ADAMTS6: variants seen among roughly 807,000 people sequenced by gnomAD.
The protein encoded by ADAMTS6 is A disintegrin and metalloproteinase with thrombospondin motifs 6.
In ADAMTS6, 23 loss-of-function variants were observed where a neutral mutation model predicts 144.3. That is an observed-to-expected ratio of 0.16 (90% CI 0.11 to 0.23). The LOEUF (loss-of-function observed/expected upper bound fraction) is 0.23, where lower values mean the gene tolerates loss of function less well. Ranked by LOEUF, ADAMTS6 falls within the 10% of genes least tolerant of loss-of-function variation. ADAMTS6 has a pLI of 1.00. For synonymous variants in ADAMTS6, 444 were observed against 457.5 expected, an observed-to-expected ratio of 0.97 and a Z score of 0.38; for missense variants, 999 against 1,379.6, an observed-to-expected ratio of 0.72 and a Z score of 4.37.
At chr5:65,376,142 G>C (rs1397036747) in intron 7 of ADAMTS6, among the ~76,000 whole-genome samples, 45 of 152,074 alleles carry the variant, frequency 3.0e-4, no homozygotes, top group Admixed American at 2.9e-3. Context: ...GGATAGCATT[G>C]GGAGATGTAC....
At chr5:65,246,709 T>C (rs1247447969) in intron 14 of ADAMTS6, among the ~76,000 whole-genome samples, 2 of 152,166 alleles carry the variant, frequency 1.3e-5, no homozygotes, top group Middle Eastern at 3.4e-3. Context: ...CACAGAATAG[T>C]ATAGAGAATG....
intron 15 of ADAMTS6, among the ~76,000 whole-genome samples, chr5:65,239,146 T>G (rs1466429396): frequency 1.3e-5 from 2 of 151,852 alleles, no homozygotes; most frequent in East Asian, 1.9e-4. Flanking sequence ...AGAGATAGCA[T>G]TAGGAGATAT....
chr5:65,215,972 A>G (rs932975303), intron 18 of ADAMTS6, among the ~76,000 whole-genome samples: 2 of 152,186 alleles, frequency 1.3e-5, no homozygotes, highest in Non-Finnish European at 2.9e-5. Flanking sequence ...TTAAATTAGT[A>G]AAGGAAAGAA....
At chr5:65,247,273 C>T (rs1205545056) in intron 14 of ADAMTS6, among the ~76,000 whole-genome samples, 2 of 152,258 alleles carry the variant, frequency 1.3e-5, no homozygotes, top group East Asian at 3.9e-4. Context: ...TATAAGTTAA[C>T]AATAGTCTTC....
At chr5:65,269,790 C>CCTTTTTTTTTTTT (rs1561355788) in intron 12 of ADAMTS6, among the ~76,000 whole-genome samples, 1 of 133,214 alleles carries the variant, frequency 7.5e-6, no homozygotes, top group Non-Finnish European at 1.6e-5. Flanking sequence ...AGTGTAAGTA[C>CCTTTTTTTTTTTT]TTTTTTTTTT....
chr5:65,295,329 T>C (rs567687680), intron 10 of ADAMTS6, among the ~76,000 whole-genome samples: 2 of 152,250 alleles, frequency 1.3e-5, no homozygotes, highest in African/African-American at 2.4e-5. Context: ...AGTTGTCTTA[T>C]AGCTAATTGA....
chr5:65,330,005 G>A (rs546601221), intron 8 of ADAMTS6, among the ~76,000 whole-genome samples: 43 of 152,074 alleles, frequency 2.8e-4, no homozygotes, highest in Non-Finnish European at 5.6e-4. Flanking sequence ...AACTGTTAAA[G>A]ATGGGAGGTT....
chr5:65,379,656 C>T (rs537642243), intron 7 of ADAMTS6, among the ~76,000 whole-genome samples: 2 of 152,086 alleles, frequency 1.3e-5, no homozygotes, highest in African/African-American at 4.8e-5. Context: ...AAACAGTGAC[C>T]CCGCTTTCTC....
At chr5:65,342,695 T>A (rs962889094) in intron 7 of ADAMTS6, among the ~76,000 whole-genome samples, 1 of 152,160 alleles carries the variant, frequency 6.6e-6, no homozygotes, top group African/African-American at 2.4e-5. Context: ...CTAGAAGTCC[T>A]AGCCAGAACA....
In ADAMTS6 at chr5:65,473,728, T is replaced by C. The variant is rs1005982672; in HGVS notation, c.-55A>G. 5.5e-6 allele frequency: 7 copies of C among 1,273,990 alleles called. No homozygotes were observed. The African/African-American group carries it at 8.9e-5, about 16-fold the overall frequency. The allele number at this position is 1,273,990 out of a possible 1,614,324, so 78.9% of individuals were successfully genotyped here. On this transcript the variant is annotated 5_prime_UTR_variant, in exon 2 of 25. Coordinates refer to ENST00000381055, the MANE Select transcript of ADAMTS6 (RefSeq NM_197941.4). Reference sequence around the variant, plus strand: ...GGCTACCTATGTGCTAAAGAGTCAATACCATACCAAAATCGAAGCATAACA... The same window carrying C: ...GGCTACCTATGTGCTAAAGAGTCAACACCATACCAAAATCGAAGCATAACA...
intron 7 of ADAMTS6, among the ~76,000 whole-genome samples, chr5:65,390,167 G>T (rs1752797759): frequency 6.6e-6 from 1 of 152,010 alleles, no homozygotes; most frequent in Admixed American, 6.6e-5. Flanking sequence ...TATTAATAAG[G>T]TCATAAAAAT....
At chr5:65,191,438 A>G (rs989151763) in intron 21 of ADAMTS6, among the ~76,000 whole-genome samples, 10 of 152,146 alleles carry the variant, frequency 6.6e-5, no homozygotes, top group African/African-American at 2.4e-4. Context: ...GGCAGAGCAT[A>G]TGAAAATAAA....
intron 9 of ADAMTS6, among the ~76,000 whole-genome samples, chr5:65,325,725 C>A (rs993542458): frequency 1.6e-4 from 24 of 152,110 alleles, no homozygotes; most frequent in Non-Finnish European, 3.2e-4. Flanking sequence ...AATGCCTGGG[C>A]TCAAGCAATC....
rs1372183424 is a variant in ADAMTS6 at position 65,221,017 on chromosome 5, A to G, written c.2272+3303T>C. Among the ~76,000 whole-genome samples, 13 of 152,348 alleles carry G rather than the reference A, an allele frequency of 8.5e-5. No homozygotes were observed. In the South Asian group the frequency reaches 2.1e-3, roughly 24 times the overall value. Reference sequence around the variant, plus strand: ...CTTTGTTATAAAAATTGAATTTTTCATTAAAAACTTTCCACAAAGACAACT... The same window carrying G: ...CTTTGTTATAAAAATTGAATTTTTCGTTAAAAACTTTCCACAAAGACAACT... On this transcript the variant is annotated intron_variant, in intron 18 of 24. Coordinates refer to ENST00000381055, the MANE Select transcript of ADAMTS6 (RefSeq NM_197941.4).
At chr5:65,359,905 T>C (rs1477617904) in intron 7 of ADAMTS6, among the ~76,000 whole-genome samples, 1 of 152,176 alleles carries the variant, frequency 6.6e-6, no homozygotes, top group African/African-American at 2.4e-5. Flanking sequence ...TTAGGATACA[T>C]ACGTTTTCGA....
intron 8 of ADAMTS6, among the ~76,000 whole-genome samples, chr5:65,331,554 T>C: frequency 6.6e-6 from 1 of 152,046 alleles, no homozygotes. Context: ...CCCCACAATT[T>C]TCTGTATACC....
chr5:65,250,586 A>G (rs1013951256), intron 14 of ADAMTS6, among the ~76,000 whole-genome samples: 6 of 152,210 alleles, frequency 3.9e-5, no homozygotes, highest in African/African-American at 1.4e-4. Context: ...CTTTTCCTCC[A>G]TATATTTTTA....
At chr5:65,271,067 T>C (rs999506626) in intron 12 of ADAMTS6, among the ~76,000 whole-genome samples, 6 of 152,130 alleles carry the variant, frequency 3.9e-5, no homozygotes, top group African/African-American at 1.4e-4. Flanking sequence ...CTTTCTCTTG[T>C]CTGTGATCAT....
Position 65,291,404 on chromosome 5 carries a change from G to A in ADAMTS6, c.1437C>T (p.Ala479=). 1.2e-6 allele frequency: 2 copies of A among 1,613,924 alleles called. No individual in the cohort carries two copies. Among genetic ancestry groups the A allele is most frequent in the East Asian group, 2.2e-5 (1 of 44,862 alleles). The part of the protein sequence containing the change: ...PKRDFLYPAV[A]PGQVYDADEQ... ...CATCAGCATCATACACCTGACCTGG[G>A]GCCACAGCTGGATAAAGAAAGTCAC... Residue 479 remains alanine (A), a synonymous_variant, in exon 11 of 25, where the codon GCC becomes GCT. Coordinates refer to ENST00000381055, the MANE Select transcript of ADAMTS6 (RefSeq NM_197941.4).
Sources: gnomAD v4.1 joint callset for allele counts (sites outside exome capture counted in the v4.1 genomes callset) on GRCh38, gnomAD v4.1.1 for gene constraint, MANE v1.5 for transcripts, NCBI Gene and HGNC (gene_info 2026-07-23, HGNC 2026-07-21) for gene names.